The following PDPR variants were observed in gnomAD, a reference collection of about 807,000 sequenced individuals.
The protein encoded by PDPR is pyruvate dehydrogenase phosphatase regulatory subunit, mitochondrial.
In PDPR, 50 loss-of-function variants were observed where a neutral mutation model predicts 102.2. The observed-to-expected ratio is 0.49, with a 90% confidence interval of 0.39 to 0.62. The LOEUF (loss-of-function observed/expected upper bound fraction) is 0.62. PDPR is among the 20% of genes least tolerant of loss of function. The probability of loss-of-function intolerance (pLI) is 0.00; values close to 1 mark genes in which losing one functional copy is unlikely to be tolerated. For synonymous variants in PDPR, 259 were observed against 406.0 expected (o/e 0.64, Z 4.35); for missense variants, 625 against 1,098.2 (o/e 0.57, Z 6.09).
At position 70,159,311 on chromosome 16, in the gene PDPR, TC is replaced by T. The variant is rs1967546881; in HGVS notation, c.*2437del. Reference sequence around the variant, plus strand: ...GACCTCCTGTTAAATGACATCAGTTTCCCCCTCTGAGCAACAGACTGCTTGT... The same window carrying T: ...GACCTCCTGTTAAATGACATCAGTTTCCCCTCTGAGCAACAGACTGCTTGT... On this transcript the variant is annotated 3_prime_UTR_variant, in exon 19 of 19. Transcript: ENST00000288050. 1 of 152,376 alleles carries T rather than the reference TC, an allele frequency of 6.6e-6. No homozygotes were observed. The highest frequency in any genetic ancestry group is 2.1e-4 in the South Asian group (1 of 4,834). 9.4% of individuals were successfully genotyped at this position (152,376 alleles called of 1,614,324 possible).
intron 3 of PDPR, among the ~76,000 whole-genome samples, chr16:70,123,350 C>T (rs1487527459): frequency 3.3e-5 from 5 of 152,256 alleles, no homozygotes; most frequent in African/African-American, 9.6e-5. Flanking sequence ...GATCCTCCCA[C>T]CACAGCCTCC....
At chr16:70,145,740 C>T in intron 15 of PDPR, 1 of 457,900 alleles carries the variant, frequency 2.2e-6, no homozygotes, top group Non-Finnish European at 4.2e-6. Flanking sequence ...ATAATGCTTT[C>T]CTTATCTAGT....
At chr16:70,129,294 T>C (rs1216124199) in intron 6 of PDPR, among the ~76,000 whole-genome samples, 172 bp downstream of exon 6, 1 of 152,278 alleles carries the variant, frequency 6.6e-6, no homozygotes, top group Non-Finnish European at 1.5e-5. Flanking sequence ...AATGAGTGTT[T>C]TCCCTCAGGG....
At position 70,156,653 on chromosome 16, in the gene PDPR, G is replaced by C. The variant is rs764451863; in HGVS notation, c.2414G>C (p.Ser805Thr). The part of the protein sequence containing the change: ...YVGKTTSSAY[S>T]YSLERHVCLG... ...GGCAAGACCACCAGCAGTGCCTACA[G>C]CTACAGCCTGGAGCGCCACGTTTGC... Residue 805 changes from serine (S) to threonine (T), a missense_variant, in exon 19 of 19, where the codon AGC (serine) becomes ACC (threonine). By Grantham distance (58) the Ser-to-Thr change is moderately conservative. Around this residue, in one of 11 missense-constraint regions of PDPR, gnomAD observed 303 missense variants for 258.9 expected, o/e 1.17. Transcript: ENST00000288050. 3 of 1,614,092 alleles carry C rather than the reference G, an allele frequency of 1.9e-6. No homozygotes were observed. Among genetic ancestry groups the C allele is most frequent in the Non-Finnish European group, 1.7e-6 (2 of 1,179,910 alleles).
intron 10 of PDPR, among the ~76,000 whole-genome samples, chr16:70,137,703 A>C (rs1161960287): frequency 6.6e-6 from 1 of 152,268 alleles, no homozygotes; most frequent in Admixed American, 6.5e-5. Flanking sequence ...AGTTCTCTTG[A>C]GTGATTTGTA....
At chr16:70,135,026 C>A (rs1964968220) in intron 9 of PDPR, among the ~76,000 whole-genome samples, 1 of 152,164 alleles carries the variant, frequency 6.6e-6, no homozygotes, top group Non-Finnish European at 1.5e-5. Context: ...GAAGTGAAGA[C>A]CAGCCTGGGC....
At chr16:70,141,953 A>G (rs570415411) in intron 11 of PDPR, among the ~76,000 whole-genome samples, 1 of 152,366 alleles carries the variant, frequency 6.6e-6, no homozygotes, top group African/African-American at 2.4e-5. Flanking sequence ...TACAAAAATT[A>G]GTGTGGCACG....
chr16:70,115,684 A>C (rs1488223378), intron 2 of PDPR, among the ~76,000 whole-genome samples: 3 of 152,200 alleles, frequency 2.0e-5, no homozygotes, highest in Non-Finnish European at 4.4e-5. Context: ...AGTTAGAACT[A>C]GCACCTTGGT....
At chr16:70,153,334 G>A in intron 17 of PDPR, 57 bp from the exon 18 acceptor site, 6 of 1,538,582 alleles carry the variant, frequency 3.9e-6, no homozygotes, top group Non-Finnish European at 5.3e-6. Context: ...TTCCAGACAT[G>A]CTCCATGCTT....
chr16:70,151,757 C>G (rs1966756952), intron 17 of PDPR, among the ~76,000 whole-genome samples: 1 of 152,202 alleles, frequency 6.6e-6, no homozygotes, highest in Admixed American at 6.5e-5. Context: ...TTGTGCCACG[C>G]TTGGGTTCTT....
chr16:70,152,628 C>CTGCA (rs1331842531), intron 17 of PDPR, among the ~76,000 whole-genome samples: 2 of 152,292 alleles, frequency 1.3e-5, no homozygotes, highest in Non-Finnish European at 2.9e-5. Flanking sequence ...GGATAAAGAA[C>CTGCA]TGCAGTACCA....
At chr16:70,115,752 G>A (rs1042531058) in intron 2 of PDPR, among the ~76,000 whole-genome samples, 1 of 152,040 alleles carries the variant, frequency 6.6e-6, no homozygotes, top group African/African-American at 2.4e-5. Context: ...TTGTTTAGCA[G>A]AAGTTATTCT....
At chr16:70,155,489 C>T (rs1485569592) in intron 18 of PDPR, among the ~76,000 whole-genome samples, 2 of 152,246 alleles carry the variant, frequency 1.3e-5, no homozygotes, top group Non-Finnish European at 2.9e-5. Flanking sequence ...GGTGGCGCAT[C>T]TGTGGGCCCA....
intron 16 of PDPR, 47 bp from the exon 17 acceptor site, chr16:70,148,417 A>T: frequency 7.4e-7 from 1 of 1,351,622 alleles, no homozygotes; most frequent in South Asian, 1.2e-5. Context: ...CCCTCCCTTG[A>T]CAAGTAATGT....
At chr16:70,148,341 C>T (rs879126807) in intron 16 of PDPR, 123 bp from the exon 17 acceptor site, 6 of 810,274 alleles carry the variant, frequency 7.4e-6, no homozygotes, top group South Asian at 6.2e-5. Flanking sequence ...AAATTCTTGC[C>T]TTGACGTCTG....
chr16:70,154,692 G>C (rs1966915892), intron 18 of PDPR, among the ~76,000 whole-genome samples: 1 of 152,212 alleles, frequency 6.6e-6, no homozygotes, highest in Non-Finnish European at 1.5e-5. Context: ...ACCCAGGTTG[G>C]AGTGCAGTGG....
chr16:70,145,572 C>G (rs1358718671), intron 15 of PDPR, among the ~76,000 whole-genome samples: 1 of 152,244 alleles, frequency 6.6e-6, no homozygotes, highest in Non-Finnish European at 1.5e-5. Context: ...CTCCCAGGCT[C>G]TCATTCTCAA....
chr16:70,118,068 G>A (rs1962830228), intron 2 of PDPR, among the ~76,000 whole-genome samples: 1 of 150,870 alleles, frequency 6.6e-6, no homozygotes. Context: ...ACTCCCAGCT[G>A]GGCGACAGAG....
At chr16:70,113,774 G>A (rs1406359897), upstream of PDPR, 1 of 146,310 alleles carries the variant, frequency 6.8e-6, no homozygotes, top group Non-Finnish European at 1.5e-5. Flanking sequence ...CGGGAACTCA[G>A]GTCCGTTAGT....
Sources: allele counts gnomAD v4.1 joint callset (sites outside exome capture counted in the v4.1 genomes callset), GRCh38; gene constraint gnomAD v4.1.1; regional missense constraint gnomAD v4.1.1; transcripts MANE v1.5; gene names NCBI Gene and HGNC (gene_info 2026-07-23, HGNC 2026-07-21).